Variants in HIF1AN observed in about 807,000 individuals in gnomAD.
The protein encoded by HIF1AN is hypoxia-inducible factor 1-alpha inhibitor.
In HIF1AN, 21 loss-of-function variants were observed where a neutral mutation model predicts 47.7. The observed-to-expected ratio is 0.44, with a 90% CI of 0.31 to 0.63. The LOEUF is 0.63. Among genes scored for constraint, HIF1AN ranks in the 30% least tolerant of loss-of-function variants. The pLI is 0.07. For synonymous variants in HIF1AN, 152 were observed against 155.9 expected, an observed-to-expected ratio of 0.98 and a Z score of 0.18; for missense variants, 320 against 432.7, an observed-to-expected ratio of 0.74 and a Z score of 2.31.
chr10:100,551,023 G>A lies in HIF1AN; in HGVS notation c.*2886G>A, dbSNP rs1471040929. On this transcript the variant is annotated 3_prime_UTR_variant, in exon 8 of 8. Coordinates refer to ENST00000299163, the MANE Select transcript of HIF1AN (RefSeq NM_017902.3). ...ACAGCAAGTGAAGGTGGGGGTTTGG[G>A]CCTGTATAGAGGTCAGCTACGCTGC... 1 of 152,276 alleles carries A rather than the reference G, an allele frequency of 6.6e-6. No homozygotes were observed. The highest frequency in any genetic ancestry group is 1.5e-5 in the Non-Finnish European group (1 of 68,058). The allele number at this position is 152,276 out of a possible 1,614,324, so 9.4% of individuals were successfully genotyped here. A position where few individuals can be genotyped will look rare whatever the true frequency, so the allele number is the denominator to read the frequency against.
At chr10:100,536,704 C>A in intron 2 of HIF1AN, 43 bp downstream of exon 2, 1 of 1,606,890 alleles carries the variant, frequency 6.2e-7, no homozygotes, top group South Asian at 1.1e-5. Context: ...TTAGGACACT[C>A]ATTTTTCTTT....
rs1191420018 is a variant in HIF1AN, at chr10:100,543,579, ACT to A, written c.578-1369_578-1368del. Among the ~76,000 whole-genome samples the A allele has an allele frequency of 4.0e-5, 6 of 150,740 alleles. No homozygotes were observed. In the South Asian group the frequency reaches 1.3e-3, roughly 32 times the overall value. ...GAAAGAGCCAGTTCTGGTTTACTTG[ACT>A]CTTTTTTTTGAGACAGAGTCTCGCT... On this transcript the variant is annotated intron_variant, in intron 3 of 7. Transcript: ENST00000299163.
In HIF1AN at chr10:100,545,063, C is replaced by T. The variant is rs147070575; in HGVS notation, c.690C>T (p.Tyr230=). 3.7e-6 allele frequency: 6 copies of T among 1,614,220 alleles called. No individual in the cohort carries two copies. The African/African-American group carries it at 8.0e-5, about 22-fold the overall frequency. ...PPDQFECLYP[Y]PVHHPCDRQS... ...ATCAGTTCGAGTGCCTCTACCCATACCCTGTTCATCACCCATGTGACAGAC... is the reference window on the plus strand; with the variant it reads ...ATCAGTTCGAGTGCCTCTACCCATATCCTGTTCATCACCCATGTGACAGAC... The change falls in exon 4 of 8, where the codon TAC becomes TAT. Residue 230 remains tyrosine, a synonymous_variant. Coordinates refer to ENST00000299163, the MANE Select transcript of HIF1AN (RefSeq NM_017902.3).
At chr10:100,540,358 T>C (rs1843014181) in intron 2 of HIF1AN, among the ~76,000 whole-genome samples, 1 of 152,028 alleles carries the variant, frequency 6.6e-6, no homozygotes, top group Non-Finnish European at 1.5e-5. Flanking sequence ...CCCAAGAGTT[T>C]AAGACCAACC....
In HIF1AN at chr10:100,536,116, A is replaced by G; in HGVS notation, c.158A>G (p.Glu53Gly). ...PRLSQSDPRAEELIENEEPVV... is the reference protein window; with the variant it reads ...PRLSQSDPRAGELIENEEPVV... The stretch of plus-strand genomic sequence containing the variant: ...CTGAGTCAGAGCGACCCCCGGGCAG[A>G]GGAGCTTATTGAGAATGAGGTGGGG... The change falls in exon 1 of 8, where the codon GAG becomes GGG. Residue 53 changes from glutamate (E) to glycine (G), a missense_variant. Physicochemically the swap from Glu to Gly is moderately conservative, Grantham distance 98. This residue lies in a region of HIF1AN where 159 missense variants were observed against 159.9 expected (regional missense o/e 0.99). Transcript: ENST00000299163. 6.2e-7 allele frequency: 1 copy of G among 1,603,468 alleles called. No homozygotes were observed. The highest frequency in any genetic ancestry group is 8.5e-7 in the Non-Finnish European group (1 of 1,175,206).
At chr10:100,538,818 C>CA (rs537239935) in intron 2 of HIF1AN, among the ~76,000 whole-genome samples, 17,738 of 68,084 alleles carry the variant, frequency 0.26, 1,875 homozygotes, top group Non-Finnish European at 0.29. Context: ...GACTCCGTCT[C>CA]AAAAAAAAAA....
At chr10:100,545,513 A>C (rs1589753134) in intron 4 of HIF1AN, 1 of 204,680 alleles carries the variant, frequency 4.9e-6, no homozygotes, top group Non-Finnish European at 9.8e-6. Flanking sequence ...CTAGATCTAA[A>C]TGAGGTATGT....
At chr10:100,545,841 TTTTG>T (rs1554844466) in intron 4 of HIF1AN, 98 bp from the exon 5 acceptor site, 291 of 756,770 alleles carry the variant, frequency 3.8e-4, no homozygotes, top group South Asian at 6.4e-4. Flanking sequence ...ATCGTTTTTT[TTTTG>T]TTTGTTTGTT....
Position 100,544,994 on chromosome 10 carries a change from T to C in HIF1AN, c.621T>C (p.Phe207=). Residue 207 remains phenylalanine, a synonymous_variant, in exon 4 of 8, where the codon TTT becomes TTC. Transcript: ENST00000299163. ...PAHYDEQQNF[F]AQIKGYKRCI... is the part of the protein sequence containing the mutation. The stretch of plus-strand genomic sequence containing the variant: ...ACTATGATGAGCAGCAGAACTTTTT[T>C]GCTCAGATAAAAGGTTACAAACGAT... The C allele has an allele frequency of 6.2e-7, 1 of 1,614,224 alleles. No individual in the cohort carries two copies. The highest frequency in any genetic ancestry group is 8.5e-7 in the Non-Finnish European group (1 of 1,180,040).
chr10:100,536,665 A>G lies in HIF1AN; in HGVS notation c.428+4A>G, dbSNP rs1388162365. The stretch of plus-strand genomic sequence containing the variant: ...AGCAGCGAGGAGGGGAAGAGAGGTA[A>G]ATTCCGAAAGCTTAATTTTCTGTTG... On this transcript the variant is annotated splice_donor_region_variant and intron_variant, in intron 2 of 7. Transcript: ENST00000299163. 1 of 1,613,530 alleles carries G rather than the reference A, an allele frequency of 6.2e-7. No individual in the cohort carries two copies. The highest frequency in any genetic ancestry group is 1.1e-5 in the South Asian group (1 of 91,048).
rs752011983 is a variant in HIF1AN at position 100,547,175 on chromosome 10, C to G, written c.930C>G (p.Leu310=). ...APTPKRIEYP[L]KAHQKVAIMR... Reference sequence around the variant, plus strand: ...CCCCTAAGAGAATTGAATATCCTCTCAAAGCTCATCAGAAAGTGGCCATAA... The same window carrying G: ...CCCCTAAGAGAATTGAATATCCTCTGAAAGCTCATCAGAAAGTGGCCATAA... Residue 310 remains leucine, a synonymous_variant, in exon 7 of 8, where the codon CTC becomes CTG. Transcript: ENST00000299163. 1.2e-6 allele frequency: 2 copies of G among 1,613,904 alleles called. No individual in the cohort carries two copies. Among genetic ancestry groups the G allele is most frequent in the Non-Finnish European group, 1.7e-6 (2 of 1,179,908 alleles).
chr10:100,540,456 A>T (rs1843014824), intron 2 of HIF1AN, among the ~76,000 whole-genome samples, 178 bp from the exon 3 acceptor site: 1 of 152,140 alleles, frequency 6.6e-6, no homozygotes, highest in African/African-American at 2.4e-5. Context: ...TAACTCAATG[A>T]AGGATAAGTA....
chr10:100,546,457 C>G, intron 5 of HIF1AN, 61 bp from the exon 6 acceptor site: 21 of 540,646 alleles, frequency 3.9e-5, no homozygotes, highest in Non-Finnish European at 7.0e-5. Context: ...CCCCGCACTT[C>G]GCCCCTCCGC....
chr10:100,546,408 C>T, intron 5 of HIF1AN, 110 bp from the exon 6 acceptor site: 3 of 794,308 alleles, frequency 3.8e-6, no homozygotes, highest in East Asian at 5.0e-5. Context: ...TTTTCCGTAA[C>T]TGGACTCCAC....
At chr10:100,536,345 G>C (rs1343390820) in intron 1 of HIF1AN, 66 bp from the exon 2 acceptor site, 3 of 1,578,124 alleles carry the variant, frequency 1.9e-6, no homozygotes, top group Non-Finnish European at 2.6e-6. Context: ...TGGGATCATG[G>C]AGGCCAACCC....
At chr10:100,543,716 C>T (rs1225126688) in intron 3 of HIF1AN, among the ~76,000 whole-genome samples, 1 of 152,154 alleles carries the variant, frequency 6.6e-6, no homozygotes, top group Admixed American at 6.5e-5. Context: ...GGACTGTAGG[C>T]GCCCGCCACC....
In HIF1AN at chr10:100,554,305, G is replaced by A. The variant is rs1184394124; in HGVS notation, c.*6168G>A. The A allele has an allele frequency of 6.6e-6, 1 of 152,088 alleles. No homozygotes were observed. Among genetic ancestry groups the A allele is most frequent in the Non-Finnish European group, 1.5e-5 (1 of 68,016 alleles). The allele number at this position is 152,088 out of a possible 1,614,324, so 9.4% of individuals were successfully genotyped here. ...ATAGCAGTCAAATCAGGCCCCTCTT[G>A]ATTCAATTTTAGTCCATGCCTTTCC... On this transcript the variant is annotated 3_prime_UTR_variant, in exon 8 of 8. Transcript: ENST00000299163.
rs1843182636 is a variant in HIF1AN, at chr10:100,553,236, G to A, written c.*5099G>A. 2 of 152,192 alleles carry A rather than the reference G, an allele frequency of 1.3e-5. No homozygotes were observed. The highest frequency in any genetic ancestry group is 4.1e-4 in the South Asian group (2 of 4,830). 9.4% of individuals were successfully genotyped at this position (152,192 alleles called of 1,614,324 possible). A position where few individuals can be genotyped will look rare whatever the true frequency, so the allele number is the denominator to read the frequency against. Reference sequence around the variant, plus strand: ...GGTGATGGGCATCAAACATGACGTGGAACATGTCCCCTTCATGGAGGGTTT... The same window carrying A: ...GGTGATGGGCATCAAACATGACGTGAAACATGTCCCCTTCATGGAGGGTTT... On this transcript the variant is annotated 3_prime_UTR_variant, in exon 8 of 8. Transcript: ENST00000299163.
At position 100,536,057 on chromosome 10, in the gene HIF1AN, C is replaced by G. The variant is rs751171143; in HGVS notation, c.99C>G (p.Arg33=). The part of the protein sequence containing the change: ...LGPAWDESQL[R]SYSFPTRPIP... ...CCGCCTGGGATGAATCCCAGTTGCG[C>G]AGTTATAGCTTCCCGACTAGGCCCA... Residue 33 remains arginine, a synonymous_variant, in exon 1 of 8, where the codon CGC becomes CGG. Coordinates refer to ENST00000299163, the MANE Select transcript of HIF1AN (RefSeq NM_017902.3). 2 of 1,612,116 alleles carry G rather than the reference C, an allele frequency of 1.2e-6. No homozygotes were observed. The highest frequency in any genetic ancestry group is 2.2e-5 in the East Asian group (1 of 44,836).
Sources: allele counts gnomAD v4.1 joint callset (sites outside exome capture counted in the v4.1 genomes callset), GRCh38; gene constraint gnomAD v4.1.1; regional missense constraint gnomAD v4.1.1; transcripts MANE v1.5; gene names NCBI Gene and HGNC (gene_info 2026-07-23, HGNC 2026-07-21).